The following HMGA2 variants were observed in gnomAD, a reference collection of about 807,000 sequenced individuals.
HMGA2 encodes the protein high mobility group protein HMGI-C.
Under a neutral mutation model 19.1 loss-of-function variants are expected in HMGA2, and 8 were observed. The ratio of observed to expected loss-of-function variants is 0.42; its 90% CI spans 0.25 to 0.76. HMGA2 has a LOEUF of 0.76. HMGA2 is among the 30% of genes least tolerant of loss of function. The probability of loss-of-function intolerance (pLI) is 0.28; values close to 1 mark genes in which losing one functional copy is unlikely to be tolerated. For missense variants in HMGA2, 109 were observed against 136.3 expected, an observed-to-expected ratio of 0.80 and a Z score of 1.00; for synonymous variants, 60 against 48.8, an observed-to-expected ratio of 1.23 and a Z score of -0.96.
intron 4 of HMGA2, among the ~76,000 whole-genome samples, chr12:65,959,334 G>A (rs1876686148): frequency 6.6e-6 from 1 of 152,194 alleles, no homozygotes; most frequent in Non-Finnish European, 1.5e-5. Flanking sequence ...CTAAAACAAT[G>A]AGTTACATTT....
intron 3 of HMGA2, among the ~76,000 whole-genome samples, chr12:65,950,510 G>A (rs1876420815): frequency 6.6e-6 from 1 of 152,176 alleles, no homozygotes; most frequent in African/African-American, 2.4e-5. Flanking sequence ...TAAATTCATA[G>A]AGACAGAAAG....
intron 3 of HMGA2, among the ~76,000 whole-genome samples, chr12:65,933,606 A>C (rs1215664013): frequency 6.6e-6 from 1 of 152,366 alleles, no homozygotes; most frequent in Non-Finnish European, 1.5e-5. Context: ...TAAAAAATTT[A>C]CCAAACTATA....
intron 3 of HMGA2, among the ~76,000 whole-genome samples, chr12:65,887,765 C>T (rs145726763): frequency 4.3e-4 from 65 of 151,858 alleles, no homozygotes; most frequent in Admixed American, 1.2e-3. Flanking sequence ...ATAGTTAAAT[C>T]TTACCTTCTA....
At chr12:65,893,554 A>G (rs941321578) in intron 3 of HMGA2, among the ~76,000 whole-genome samples, 2 of 152,114 alleles carry the variant, frequency 1.3e-5, no homozygotes, top group African/African-American at 4.8e-5. Context: ...CTTGTTAGAG[A>G]TTTTTCATCC....
At chr12:65,867,604 CT>C (rs929328282) in intron 3 of HMGA2, 2 of 370,320 alleles carry the variant, frequency 5.4e-6, no homozygotes, top group Non-Finnish European at 1.1e-5. Flanking sequence ...AAGAACACTT[CT>C]GCCAAGTTCA....
intron 3 of HMGA2, among the ~76,000 whole-genome samples, chr12:65,870,094 G>A (rs986417654): frequency 6.6e-6 from 1 of 151,814 alleles, no homozygotes; most frequent in African/African-American, 2.4e-5. Context: ...TGTATATACA[G>A]GTCATTGTTA....
Position 65,945,457 on chromosome 12 carries a change from A to G in HMGA2, c.250-5926A>G, listed in dbSNP as rs112355754. On this transcript the variant is annotated intron_variant, in intron 3 of 4. Coordinates refer to ENST00000403681, the MANE Select transcript of HMGA2 (RefSeq NM_003483.6). ...TGTCAAATTCAAAGAAAATATATTCAGGACAGCACTGTGAAATTTCTGAGG... is the reference window on the plus strand; with the variant it reads ...TGTCAAATTCAAAGAAAATATATTCGGGACAGCACTGTGAAATTTCTGAGG... Among the ~76,000 whole-genome samples, 41 of 152,296 alleles carry G rather than the reference A, an allele frequency of 2.7e-4. 1 individual carries two copies. Among genetic ancestry groups the G allele is most frequent in the African/African-American group, 9.9e-4 (41 of 41,566 alleles).
At chr12:65,861,927 C>T (rs1872106230) in intron 3 of HMGA2, among the ~76,000 whole-genome samples, 1 of 151,820 alleles carries the variant, frequency 6.6e-6, no homozygotes, top group African/African-American at 2.4e-5. Context: ...TCACTGCAAC[C>T]TCTGCCTCCC....
rs561831783 is a variant in HMGA2, at chr12:65,868,282, A to G, written c.249+29713A>G. Reference sequence around the variant, plus strand: ...GCAGATAAGTGCCTGATCTTGCAGTATCACGTTTCTGACTTCTTTGTTCTG... The same window carrying G: ...GCAGATAAGTGCCTGATCTTGCAGTGTCACGTTTCTGACTTCTTTGTTCTG... On this transcript the variant is annotated intron_variant, in intron 3 of 4. Coordinates refer to ENST00000403681, the MANE Select transcript of HMGA2 (RefSeq NM_003483.6). Among the ~76,000 whole-genome samples the G allele has an allele frequency of 3.3e-5, 5 of 152,244 alleles. No individual in the cohort carries two copies. The South Asian group carries it at 1.0e-3, about 32-fold the overall frequency.
intron 3 of HMGA2, among the ~76,000 whole-genome samples, chr12:65,865,336 G>C (rs343089): frequency 0.93 from 141,024 of 152,186 alleles, 65,393 homozygotes; most frequent in Admixed American, 0.94. Context: ...CTGCATTGTT[G>C]AAGGGTCAAT....
intron 3 of HMGA2, among the ~76,000 whole-genome samples, chr12:65,918,427 G>A (rs909416131): frequency 3.3e-5 from 5 of 152,146 alleles, no homozygotes; most frequent in Admixed American, 1.3e-4. Flanking sequence ...TGGTGGTGGC[G>A]TTTAATTAAT....
chr12:65,848,649 G>T (rs899207262), intron 3 of HMGA2, among the ~76,000 whole-genome samples: 13 of 152,102 alleles, frequency 8.5e-5, no homozygotes, highest in Non-Finnish European at 1.9e-4. Context: ...GAGGTCAGGA[G>T]ATCGAGACCA....
intron 3 of HMGA2, among the ~76,000 whole-genome samples, chr12:65,895,841 C>G (rs572621096): frequency 6.6e-6 from 1 of 152,270 alleles, no homozygotes; most frequent in African/African-American, 2.4e-5. Flanking sequence ...CTAGTACACT[C>G]GATTCAGTAT....
At chr12:65,829,801 T>G (rs1870396860) in intron 2 of HMGA2, among the ~76,000 whole-genome samples, 1 of 151,974 alleles carries the variant, frequency 6.6e-6, no homozygotes, top group Non-Finnish European at 1.5e-5. Context: ...AAAATTTGTA[T>G]TGAGAAAAGG....
At chr12:65,922,303 A>G (rs1301786669) in intron 3 of HMGA2, among the ~76,000 whole-genome samples, 2 of 152,202 alleles carry the variant, frequency 1.3e-5, no homozygotes, top group African/African-American at 4.8e-5. Flanking sequence ...CAGCAAAGCC[A>G]CAGGGGCGGA....
rs1565744209 is a variant in HMGA2 at position 65,963,232 on chromosome 12, TTGTG to T, written c.283-9_283-6del. The T allele has an allele frequency of 6.2e-7, 1 of 1,612,508 alleles. No individual in the cohort carries two copies. The highest frequency in any genetic ancestry group is 1.1e-5 in the South Asian group (1 of 91,038). ...CGATTGAGCGTCATGGCTGTGCCCT[TTGTG>T]TGTTCCAGGAGGAAACTGAAGAGAC... On this transcript the variant is annotated splice_polypyrimidine_tract_variant and intron_variant, in intron 4 of 4. Coordinates refer to ENST00000403681, the MANE Select transcript of HMGA2 (RefSeq NM_003483.6).
chr12:65,839,085 G>T (rs1262974177), intron 3 of HMGA2, among the ~76,000 whole-genome samples: 1 of 135,790 alleles, frequency 7.4e-6, no homozygotes, highest in Non-Finnish European at 1.5e-5. Flanking sequence ...ACATGGCTTT[G>T]TTAGGAAGCA....
At chr12:65,854,363 C>T (rs1871623519) in intron 3 of HMGA2, among the ~76,000 whole-genome samples, 1 of 152,146 alleles carries the variant, frequency 6.6e-6, no homozygotes. Flanking sequence ...CAGAGACGTG[C>T]CTTGTGGGCT....
At chr12:65,943,800 A>G (rs1398012623) in intron 3 of HMGA2, among the ~76,000 whole-genome samples, 1 of 152,214 alleles carries the variant, frequency 6.6e-6, no homozygotes, top group Non-Finnish European at 1.5e-5. Flanking sequence ...GTGTACACAC[A>G]TTTCACAGTC....
Sources: allele counts gnomAD v4.1 joint callset (sites outside exome capture counted in the v4.1 genomes callset), GRCh38; gene constraint gnomAD v4.1.1; transcripts MANE v1.5; gene names NCBI Gene and HGNC (gene_info 2026-07-23, HGNC 2026-07-21).